Variants in ASTN2 observed in about 807,000 individuals in gnomAD.
ASTN2 encodes the protein astrotactin 2.
In ASTN2, 54 loss-of-function variants were observed where a neutral mutation model predicts 139.8. The observed-to-expected ratio is 0.39, with a 90% CI of 0.31 to 0.48. The LOEUF is 0.48. Among genes scored for constraint, ASTN2 ranks in the 20% least tolerant of loss-of-function variants. ASTN2 has a pLI of 0.95. For synonymous variants in ASTN2, 756 were observed against 719.5 expected, an observed-to-expected ratio of 1.05 and a Z score of -0.81; for missense variants, 1,565 against 1,725.1, an observed-to-expected ratio of 0.91 and a Z score of 1.64.
At chr9:117,289,529 T>A (rs1834533238) in intron 2 of ASTN2, among the ~76,000 whole-genome samples, 2 of 152,216 alleles carry the variant, frequency 1.3e-5, no homozygotes, top group Admixed American at 1.3e-4. Flanking sequence ...CTATCCAGGT[T>A]ACTGGGTTAC....
At chr9:117,105,704 T>C (rs1279319971) in intron 4 of ASTN2, among the ~76,000 whole-genome samples, 2 of 152,178 alleles carry the variant, frequency 1.3e-5, no homozygotes, top group Non-Finnish European at 2.9e-5. Flanking sequence ...GTTATCACCA[T>C]ATGGCAGCCT....
At position 116,866,671 on chromosome 9, in the gene ASTN2, C is replaced by T. The variant is rs1176008921; in HGVS notation, c.1890-2938G>A. ...CCTGTAATCCCAGCACTTTGGGAGG[C>T]CTAGATGGGCTAGGTCAGGAGATGA... On this transcript the variant is annotated intron_variant, in intron 10 of 22. Coordinates refer to ENST00000313400, the MANE Select transcript of ASTN2 (RefSeq NM_001365068.1). Among the ~76,000 whole-genome samples the T allele has an allele frequency of 5.3e-5, 8 of 152,004 alleles. No individual in the cohort carries two copies. In the East Asian group the frequency reaches 1.2e-3, roughly 22 times the overall value.
intron 3 of ASTN2, among the ~76,000 whole-genome samples, chr9:117,206,092 A>T (rs987069793): frequency 6.6e-6 from 1 of 152,216 alleles, no homozygotes; most frequent in Non-Finnish European, 1.5e-5. Flanking sequence ...TGGCATTTAT[A>T]TTCCAACAAG....
chr9:117,273,570 T>C (rs1038768066), intron 2 of ASTN2, among the ~76,000 whole-genome samples: 2 of 152,224 alleles, frequency 1.3e-5, no homozygotes, highest in African/African-American at 4.8e-5. Context: ...AAAGTTTTAC[T>C]GATGCACAAA....
At chr9:116,526,518 A>G (rs1427125748) in intron 19 of ASTN2, among the ~76,000 whole-genome samples, 1 of 151,988 alleles carries the variant, frequency 6.6e-6, no homozygotes, top group Non-Finnish European at 1.5e-5. Context: ...GCCACTTGAG[A>G]GACTCAGGTG....
chr9:116,501,966 C>T (rs927733338), intron 19 of ASTN2, among the ~76,000 whole-genome samples: 11 of 151,914 alleles, frequency 7.2e-5, no homozygotes, highest in Non-Finnish European at 1.3e-4. Flanking sequence ...AAAAGCATAT[C>T]CCCCTCCCCA....
chr9:117,236,517 G>C (rs1047225175), intron 2 of ASTN2, among the ~76,000 whole-genome samples: 2 of 152,224 alleles, frequency 1.3e-5, no homozygotes, highest in African/African-American at 2.4e-5. Context: ...GGACCCCAGG[G>C]GCTGGCAGTG....
intron 17 of ASTN2, among the ~76,000 whole-genome samples, chr9:116,635,226 G>A (rs528986273): frequency 2.0e-5 from 3 of 152,272 alleles, no homozygotes; most frequent in Admixed American, 6.5e-5. Context: ...ACCCTATAAA[G>A]TGGGTGCTCA....
At chr9:116,701,303 T>A (rs986750834) in intron 16 of ASTN2, 1 of 166,796 alleles carries the variant, frequency 6.0e-6, no homozygotes, top group Non-Finnish European at 1.5e-5. Context: ...TGAACTAGTT[T>A]GTCTTGTTCT....
At chr9:117,312,708 G>A (rs1828015406) in intron 1 of ASTN2, among the ~76,000 whole-genome samples, 1 of 152,106 alleles carries the variant, frequency 6.6e-6, no homozygotes, top group Non-Finnish European at 1.5e-5. Flanking sequence ...AGGGTCCAGG[G>A]CTCCATATCA....
intron 10 of ASTN2, among the ~76,000 whole-genome samples, chr9:116,902,707 T>C (rs114615999): frequency 0.028 from 4,215 of 152,136 alleles, 207 homozygotes; most frequent in African/African-American, 0.097. Flanking sequence ...TGACTGTATA[T>C]CCTTTTGGTT....
At chr9:116,602,711 T>C (rs961993710) in intron 19 of ASTN2, among the ~76,000 whole-genome samples, 1 of 152,172 alleles carries the variant, frequency 6.6e-6, no homozygotes, top group Non-Finnish European at 1.5e-5. Context: ...GGCAGATTAC[T>C]TGAGCTCAGG....
intron 13 of ASTN2, among the ~76,000 whole-genome samples, chr9:116,745,581 C>T (rs943155278): frequency 6.6e-6 from 1 of 152,144 alleles, no homozygotes; most frequent in Non-Finnish European, 1.5e-5. Flanking sequence ...GTCAATGCTG[C>T]AAGGATCTAT....
At chr9:116,462,729 C>T (rs1421407733) in intron 20 of ASTN2, among the ~76,000 whole-genome samples, 1 of 151,474 alleles carries the variant, frequency 6.6e-6, no homozygotes, top group African/African-American at 2.4e-5. Context: ...TAGCTTTTTA[C>T]CTCAACAGGC....
At chr9:117,364,999 A>ACACACACAC (rs1564167764) in intron 1 of ASTN2, among the ~76,000 whole-genome samples, 1 of 100,414 alleles carries the variant, frequency 1.0e-5, no homozygotes, top group Admixed American at 1.0e-4. Context: ...ACACACACAC[A>ACACACACAC]AAATCAGCCA....
chr9:116,549,472 G>A (rs1434505874), intron 19 of ASTN2, among the ~76,000 whole-genome samples: 1 of 152,180 alleles, frequency 6.6e-6, no homozygotes, highest in Non-Finnish European at 1.5e-5. Context: ...ATCCCAGCTG[G>A]GGCCCCAGGC....
At chr9:116,827,313 C>A (rs865911068) in intron 11 of ASTN2, among the ~76,000 whole-genome samples, 2,599 of 79,228 alleles carry the variant, frequency 0.033, 72 homozygotes, top group African/African-American at 0.099. Flanking sequence ...CCATCCCCCC[C>A]AAAAAAAAAA....
intron 16 of ASTN2, among the ~76,000 whole-genome samples, chr9:116,685,948 T>C (rs1860179218): frequency 6.6e-6 from 1 of 152,002 alleles, no homozygotes; most frequent in African/African-American, 2.4e-5. Flanking sequence ...TTTGGGCTGA[T>C]AACTGTGGTT....
At chr9:117,331,520 G>A (rs530686514) in intron 1 of ASTN2, among the ~76,000 whole-genome samples, 4 of 152,234 alleles carry the variant, frequency 2.6e-5, no homozygotes, top group Non-Finnish European at 4.4e-5. Context: ...CTGAAGGAAG[G>A]GCTATGTCTG....
Sources: allele counts gnomAD v4.1 joint callset (sites outside exome capture counted in the v4.1 genomes callset), GRCh38; gene constraint gnomAD v4.1.1; transcripts MANE v1.5; gene names NCBI Gene and HGNC (gene_info 2026-07-23, HGNC 2026-07-21).